Variants in TDRD15 observed in about 807,000 individuals in gnomAD.
The protein encoded by TDRD15 is tudor domain containing 15, also known as tudor domain-containing protein 15.
For synonymous variants in TDRD15, 503 were observed against 314.5 expected, an observed-to-expected ratio of 1.60 and a Z score of -6.34; for missense variants, 1,416 against 904.7, an observed-to-expected ratio of 1.57 and a Z score of -7.25.
chr2:21,147,100 C>G (rs1387022832), downstream of TDRD15, among the ~76,000 whole-genome samples: 1 of 152,078 alleles, frequency 6.6e-6, no homozygotes, highest in Non-Finnish European at 1.5e-5. Flanking sequence ...TGCTCACTAA[C>G]TGTTAGAAAT....
chr2:21,139,443 C>A lies in TDRD15; in HGVS notation c.1976C>A (p.Ala659Asp), dbSNP rs962844886. Reference sequence around the variant, plus strand: ...GATGTTATCTCTCTTATGTTACAAGCTGGATATGCAGAATATTTTCAAGTA... The same window carrying A: ...GATGTTATCTCTCTTATGTTACAAGATGGATATGCAGAATATTTTCAAGTA... ...NIDVISLMLQ[A>D]GYAEYFQVEL... is the part of the protein sequence containing the mutation. The change falls in exon 4 of 4, where the codon GCT becomes GAT. Residue 659 changes from alanine to aspartate, a missense_variant. Transcript: ENST00000405799. 2 of 710,950 alleles carry A rather than the reference C, an allele frequency of 2.8e-6. No homozygotes were observed. The highest frequency in any genetic ancestry group is 5.2e-6 in the Non-Finnish European group (2 of 382,938). 44.0% of individuals were successfully genotyped at this position (710,950 alleles called of 1,614,324 possible). A position where few individuals can be genotyped will look rare whatever the true frequency, so the allele number is the denominator to read the frequency against.
chr2:21,138,000 A>T lies in TDRD15; in HGVS notation c.533A>T (p.Glu178Val). The T allele has an allele frequency of 1.4e-6, 1 of 716,834 alleles. No homozygotes were observed. The highest frequency in any genetic ancestry group is 2.6e-6 in the Non-Finnish European group (1 of 384,530). 44.4% of individuals were successfully genotyped at this position (716,834 alleles called of 1,614,324 possible). The change falls in exon 4 of 4, where the codon GAG becomes GTG. Residue 178 changes from glutamate to valine, a missense_variant. Coordinates refer to ENST00000405799, the MANE Select transcript of TDRD15 (RefSeq NM_001306137.2). Reference sequence around the variant, plus strand: ...CCAAAAATTATATCTCAGGCTCTCGAGTTACAATTAGGAAGACTTGTTGAT... The same window carrying T: ...CCAAAAATTATATCTCAGGCTCTCGTGTTACAATTAGGAAGACTTGTTGAT... ...EVPKIISQALELQLGRLVDGD... is the reference protein window; with the variant it reads ...EVPKIISQALVLQLGRLVDGD...
At chr2:21,133,747 A>G (rs1665759855) in intron 2 of TDRD15, among the ~76,000 whole-genome samples, 1 of 152,090 alleles carries the variant, frequency 6.6e-6, no homozygotes, top group Non-Finnish European at 1.5e-5. Flanking sequence ...TTAAAATTGT[A>G]TCATAGTTCT....
intron 2 of TDRD15, among the ~76,000 whole-genome samples, chr2:21,129,582 C>G (rs1362779642): frequency 6.6e-6 from 1 of 152,154 alleles, no homozygotes; most frequent in Non-Finnish European, 1.5e-5. Flanking sequence ...GGGATCTTTA[C>G]ATATATTGTG....
intron 2 of TDRD15, among the ~76,000 whole-genome samples, chr2:21,131,825 T>A (rs1665723563): frequency 6.6e-6 from 1 of 152,174 alleles, no homozygotes; most frequent in Non-Finnish European, 1.5e-5. Context: ...TGATAAACGT[T>A]GGTAGATATA....
At position 21,142,327 on chromosome 2, in the gene TDRD15, A is replaced by G. The variant is rs925918092; in HGVS notation, c.4860A>G (p.Val1620=). 1.9e-5 allele frequency: 13 copies of G among 689,452 alleles called. No homozygotes were observed. In the Admixed American group the frequency reaches 2.3e-4, roughly 12 times the overall value. The allele number at this position is 689,452 out of a possible 1,614,324, so 42.7% of individuals were successfully genotyped here. ...GTGGTATCTATGAAATAGTACCTGT[A>G]TGTAATACCAAGCTGCTTAGTAATG... ...VDCGIYEIVP[V]CNTKLLSNEI... is the part of the protein sequence containing the mutation. Residue 1620 remains valine (V), a synonymous_variant, in exon 4 of 4, where the codon GTA becomes GTG. Transcript: ENST00000405799.
chr2:21,129,343 T>C lies in TDRD15; in HGVS notation c.-90+1632T>C, dbSNP rs187943033. On this transcript the variant is annotated intron_variant, in intron 2 of 3. Transcript: ENST00000405799. Reference sequence around the variant, plus strand: ...TTTACAGGTGCAGATTGCAGGAGGGTTCTAATTTGTCTACATTCTTGCTAA... The same window carrying C: ...TTTACAGGTGCAGATTGCAGGAGGGCTCTAATTTGTCTACATTCTTGCTAA... Among the ~76,000 whole-genome samples the C allele has an allele frequency of 6.6e-3, 997 of 152,130 alleles. 10 individuals carry two copies. The highest frequency in any genetic ancestry group is 0.023 in the African/African-American group (956 of 41,492).
At position 21,143,923 on chromosome 2, in the gene TDRD15, C is replaced by T. The variant is rs1015053178; in HGVS notation, c.*651C>T. 2.0e-5 allele frequency among the ~76,000 whole-genome samples: 3 copies of T among 151,728 alleles called. No individual in the cohort carries two copies. The highest frequency in any genetic ancestry group is 7.2e-5 in the African/African-American group (3 of 41,394). Reference sequence around the variant, plus strand: ...TAGTGAAAGATTTTAACCACACATGCATGCACACACGCATGACGTTTCACA... The same window carrying T: ...TAGTGAAAGATTTTAACCACACATGTATGCACACACGCATGACGTTTCACA... On this transcript the variant is annotated 3_prime_UTR_variant, in exon 4 of 4. Coordinates refer to ENST00000405799, the MANE Select transcript of TDRD15 (RefSeq NM_001306137.2).
At chr2:21,129,035 C>T (rs575200946) in intron 2 of TDRD15, among the ~76,000 whole-genome samples, 6 of 152,086 alleles carry the variant, frequency 3.9e-5, no homozygotes, top group Admixed American at 1.3e-4. Context: ...TCCCCAGGGT[C>T]GAGCCATCCT....
chr2:21,134,180 A>C (rs1200534696), intron 2 of TDRD15, among the ~76,000 whole-genome samples: 1 of 151,850 alleles, frequency 6.6e-6, no homozygotes, highest in East Asian at 1.9e-4. Flanking sequence ...TTTCTCTATC[A>C]ATTTTAATAG....
At chr2:21,125,210 A>ATG (rs981556001) in intron 1 of TDRD15, among the ~76,000 whole-genome samples, 4 of 147,944 alleles carry the variant, frequency 2.7e-5, no homozygotes, top group African/African-American at 1.0e-4. Flanking sequence ...TAATTTTAGG[A>ATG]TGTGTGTGTG....
chr2:21,139,740 T>C lies in TDRD15; in HGVS notation c.2273T>C (p.Leu758Pro). ...TATATTTTTAGACCAGGAACAGTTC[T>C]TGAAGTTAAATGTTCCTGTTATTAT... ...KEYIFRPGTV[L>P]EVKCSCYYGP... The change falls in exon 4 of 4, where the codon CTT becomes CCT. Residue 758 changes from leucine (L) to proline (P), a missense_variant. Physicochemically the swap from Leu to Pro is moderately conservative, Grantham distance 98. Coordinates refer to ENST00000405799, the MANE Select transcript of TDRD15 (RefSeq NM_001306137.2). 1 of 715,626 alleles carries C rather than the reference T, an allele frequency of 1.4e-6. No homozygotes were observed. Among genetic ancestry groups the C allele is most frequent in the Non-Finnish European group, 2.6e-6 (1 of 384,014 alleles). The allele number at this position is 715,626 out of a possible 1,614,324, so 44.3% of individuals were successfully genotyped here.
downstream of TDRD15, among the ~76,000 whole-genome samples, chr2:21,145,630 A>C (rs1017993666): frequency 6.6e-6 from 1 of 152,058 alleles, no homozygotes; most frequent in Non-Finnish European, 1.5e-5. Context: ...GTTATGACAA[A>C]TATAAGAAAT....
chr2:21,134,554 C>T (rs1028797965), intron 2 of TDRD15, among the ~76,000 whole-genome samples: 4 of 151,838 alleles, frequency 2.6e-5, no homozygotes, highest in East Asian at 1.9e-4. Context: ...AGGCTGCTAT[C>T]GGCTTGTTTT....
Position 21,138,655 on chromosome 2 carries a change from G to A in TDRD15, c.1188G>A (p.Leu396=). The stretch of plus-strand genomic sequence containing the variant: ...ATTGGTTCAATAAGGATGAGTGTTT[G>A]TATTATGTGACATTACAAACTCAAG... The part of the protein sequence containing the change: ...HIDWFNKDEC[L]YYVTLQTQES... Residue 396 remains leucine (L), a synonymous_variant, in exon 4 of 4, where the codon TTG becomes TTA. Transcript: ENST00000405799. The A allele has an allele frequency of 2.8e-6, 2 of 715,090 alleles. No homozygotes were observed. The highest frequency in any genetic ancestry group is 5.2e-6 in the Non-Finnish European group (2 of 383,930). 44.3% of individuals were successfully genotyped at this position (715,090 alleles called of 1,614,324 possible). A position where few individuals can be genotyped will look rare whatever the true frequency, so the allele number is the denominator to read the frequency against.
Position 21,143,395 on chromosome 2 carries a change from A to G in TDRD15, c.*123A>G. On this transcript the variant is annotated 3_prime_UTR_variant, in exon 4 of 4. Transcript: ENST00000405799. The stretch of plus-strand genomic sequence containing the variant: ...ATCTACAAAGAGGAAAGATGTCTGT[A>G]AGAACCTCTTAAGGAAAATTCGTAT... The G allele has an allele frequency of 2.1e-6, 1 of 469,930 alleles. No homozygotes were observed. Among genetic ancestry groups the G allele is most frequent in the Non-Finnish European group, 3.8e-6 (1 of 266,532 alleles). 29.1% of individuals were successfully genotyped at this position (469,930 alleles called of 1,614,324 possible).
chr2:21,126,055 G>A (rs1399630653), intron 1 of TDRD15, among the ~76,000 whole-genome samples: 1 of 152,044 alleles, frequency 6.6e-6, no homozygotes, highest in Non-Finnish European at 1.5e-5. Context: ...CTTTAGTGAA[G>A]TATATCTGAG....
At position 21,137,734 on chromosome 2, in the gene TDRD15, T is replaced by G. The variant is rs1484633561; in HGVS notation, c.267T>G (p.Tyr89Ter). Reference protein sequence around the residue: ...GRVMEKKNELYTVLLIDRGEE... With the variant: ...GRVMEKKNEL The stretch of plus-strand genomic sequence containing the variant: ...TCATGGAAAAGAAAAATGAACTCTA[T>G]ACAGTGCTCCTCATAGATCGCGGAG... The change falls in exon 4 of 4, where the codon TAT becomes TAG. Residue 89 changes from tyrosine to a stop codon, truncating the protein, a stop_gained. Transcript: ENST00000405799. LOFTEE classifies it low-confidence loss of function (END_TRUNC). 5 of 716,594 alleles carry G rather than the reference T, an allele frequency of 7.0e-6. No individual in the cohort carries two copies. The highest frequency in any genetic ancestry group is 1.3e-5 in the Non-Finnish European group (5 of 384,506). 44.4% of individuals were successfully genotyped at this position (716,594 alleles called of 1,614,324 possible). A position where few individuals can be genotyped will look rare whatever the true frequency, so the allele number is the denominator to read the frequency against.
chr2:21,130,670 A>G (rs1020909844), intron 2 of TDRD15, among the ~76,000 whole-genome samples: 2 of 152,084 alleles, frequency 1.3e-5, no homozygotes, highest in African/African-American at 2.4e-5. Context: ...TAAACTTGGC[A>G]TCTTGTCAAT....
Sources: allele counts gnomAD v4.1 joint callset (sites outside exome capture counted in the v4.1 genomes callset), GRCh38; gene constraint gnomAD v4.1.1; transcripts MANE v1.5; gene names NCBI Gene and HGNC (gene_info 2026-07-23, HGNC 2026-07-21).